GPA33: variants seen among roughly 807,000 people sequenced by gnomAD.
The protein encoded by GPA33 is cell surface A33 antigen.
Under a neutral mutation model 35.6 loss-of-function variants are expected in GPA33, and 27 were observed. That is an observed-to-expected ratio of 0.76 (90% CI 0.56 to 1.04). The LOEUF is 1.04. Ranked by LOEUF, GPA33 falls within the 50% of genes least tolerant of loss-of-function variation. The pLI, the probability that GPA33 is intolerant of heterozygous loss-of-function variation, is 0.00. For missense variants in GPA33, 428 were observed against 411.9 expected (o/e 1.04, Z -0.34); for synonymous variants, 176 against 164.0 (o/e 1.07, Z -0.56).
At chr1:167,074,716 A>T (rs1213668073) in intron 1 of GPA33, among the ~76,000 whole-genome samples, 2 of 151,744 alleles carry the variant, frequency 1.3e-5, no homozygotes, top group African/African-American at 4.9e-5. Context: ...ACGCACAAGG[A>T]ACAGCAAGGG....
chr1:167,058,350 G>C (rs1489732075), intron 4 of GPA33: 1 of 151,894 alleles, frequency 6.6e-6, no homozygotes, highest in Non-Finnish European at 1.5e-5. Flanking sequence ...AGATGAGGAG[G>C]GTCCCTGTCC....
chr1:167,064,908 G>C (rs948625324), intron 3 of GPA33, among the ~76,000 whole-genome samples: 1 of 152,148 alleles, frequency 6.6e-6, no homozygotes, highest in Non-Finnish European at 1.5e-5. Context: ...GAGGGGACTC[G>C]AGCAGGCAGA....
chr1:167,068,611 C>T (rs1329151063), intron 3 of GPA33, among the ~76,000 whole-genome samples: 3 of 152,154 alleles, frequency 2.0e-5, no homozygotes, highest in African/African-American at 7.2e-5. Context: ...TAAGATTTTC[C>T]TTTATCTTTG....
intron 1 of GPA33, among the ~76,000 whole-genome samples, chr1:167,089,323 G>C (rs1201319119): frequency 6.6e-6 from 1 of 152,122 alleles, no homozygotes; most frequent in East Asian, 1.9e-4. Context: ...ACTTCCCCAG[G>C]CTTGGTGCTC....
Position 167,074,227 on chromosome 1 carries a change from C to G in GPA33, c.44-688G>C, listed in dbSNP as rs10918614. ...AGGTGGGGTCTGTGTTCCTTCTCTT[C>G]GAGCCTGGGTGCACCTGTGACTCCA... On this transcript the variant is annotated intron_variant, in intron 1 of 6. Coordinates refer to ENST00000367868, the MANE Select transcript of GPA33 (RefSeq NM_005814.3). Among the ~76,000 whole-genome samples, 9 of 151,592 alleles carry G rather than the reference C, an allele frequency of 5.9e-5. No individual in the cohort carries two copies. The East Asian group carries it at 1.7e-3, about 29-fold the overall frequency.
chr1:167,058,732 GA>G (rs1666366097), intron 4 of GPA33, among the ~76,000 whole-genome samples: 2 of 149,710 alleles, frequency 1.3e-5, no homozygotes, highest in South Asian at 4.2e-4. Flanking sequence ...ATGCGGCATG[GA>G]GAAGGAGTCC....
At chr1:167,070,398 C>A (rs1471491172) in intron 2 of GPA33, among the ~76,000 whole-genome samples, 2 of 151,976 alleles carry the variant, frequency 1.3e-5, no homozygotes, top group African/African-American at 2.4e-5. Flanking sequence ...TCACAACACC[C>A]CTAAAGTAGG....
At position 167,090,307 on chromosome 1, in the gene GPA33, C is replaced by T. The variant is rs1000336251; in HGVS notation, c.-20G>A. 1 of 1,610,452 alleles carries T rather than the reference C, an allele frequency of 6.2e-7. No individual in the cohort carries two copies. Among genetic ancestry groups the T allele is most frequent in the Non-Finnish European group, 8.5e-7 (1 of 1,176,780 alleles). Reference sequence around the variant, plus strand: ...CACCATGGTCTTGCTTCTTCTCTGCCCTAAACCTAACCTGTCACTGGCAGC... The same window carrying T: ...CACCATGGTCTTGCTTCTTCTCTGCTCTAAACCTAACCTGTCACTGGCAGC... On this transcript the variant is annotated 5_prime_UTR_variant, in exon 1 of 7. Transcript: ENST00000367868.
At chr1:167,058,857 G>T (rs1558003116) in intron 4 of GPA33, among the ~76,000 whole-genome samples, 1 of 152,218 alleles carries the variant, frequency 6.6e-6, no homozygotes, top group East Asian at 1.9e-4. Context: ...ACAGCGGGGT[G>T]TGGTATTCAT....
intron 4 of GPA33, among the ~76,000 whole-genome samples, chr1:167,062,646 CTTTTTTTTTTTTT>C (rs768326263): frequency 1.3e-5 from 1 of 79,990 alleles, no homozygotes; most frequent in Non-Finnish European, 2.4e-5. Context: ...ATAGCTCTTT[CTTTTTTTTTTTTT>C]TTTTTTTTCA....
chr1:167,083,019 A>G (rs775840398), intron 1 of GPA33, among the ~76,000 whole-genome samples: 17 of 152,194 alleles, frequency 1.1e-4, no homozygotes, highest in Non-Finnish European at 1.6e-4. Flanking sequence ...GATGGAGGGC[A>G]AAACCTGAGT....
At chr1:167,085,352 A>G (rs575266682) in intron 1 of GPA33, among the ~76,000 whole-genome samples, 1 of 152,318 alleles carries the variant, frequency 6.6e-6, no homozygotes, top group African/African-American at 2.4e-5. Context: ...AATGCGGGAG[A>G]GATTAGCCAG....
At chr1:167,087,063 T>C (rs1297820137) in intron 1 of GPA33, among the ~76,000 whole-genome samples, 2 of 152,164 alleles carry the variant, frequency 1.3e-5, no homozygotes, top group African/African-American at 2.4e-5. Flanking sequence ...AAAAAAATCC[T>C]GGAATGGAAG....
chr1:167,055,863 A>G lies in GPA33; in HGVS notation c.572-14T>C, dbSNP rs201630422. ...GCTGACCTGAGGCTGCAGGGGAAGAAGAGTCAGGGTGAAGAGAGGCACTAC... is the reference window on the plus strand; with the variant it reads ...GCTGACCTGAGGCTGCAGGGGAAGAGGAGTCAGGGTGAAGAGAGGCACTAC... On this transcript the variant is annotated splice_polypyrimidine_tract_variant and intron_variant, in intron 4 of 6. Transcript: ENST00000367868. 3.6e-3 allele frequency: 5,784 copies of G among 1,613,772 alleles called. 19 individuals carry two copies. The highest frequency in any genetic ancestry group is 4.4e-3 in the Non-Finnish European group (5,196 of 1,179,794).
chr1:167,066,043 G>A (rs1194956508), intron 3 of GPA33, among the ~76,000 whole-genome samples: 1 of 152,162 alleles, frequency 6.6e-6, no homozygotes, highest in Admixed American at 6.5e-5. Flanking sequence ...TCAGAGGTAC[G>A]GGAGCATCCC....
intron 2 of GPA33, 38 bp from the exon 3 acceptor site, chr1:167,069,176 A>G (rs1571312101): frequency 2.7e-6 from 4 of 1,464,148 alleles, no homozygotes; most frequent in Non-Finnish European, 3.8e-6. Context: ...CTTCACCCAA[A>G]GGCCCTTGCC....
chr1:167,061,959 G>A lies in GPA33; in HGVS notation c.571+1623C>T, dbSNP rs191502275. ...GCACCCCCAATGTGTGCATCCGTCCGGCTGGGCTTATCCAGGACACCAGAT... is the reference window on the plus strand; with the variant it reads ...GCACCCCCAATGTGTGCATCCGTCCAGCTGGGCTTATCCAGGACACCAGAT... On this transcript the variant is annotated intron_variant, in intron 4 of 6. Coordinates refer to ENST00000367868, the MANE Select transcript of GPA33 (RefSeq NM_005814.3). 5.3e-5 allele frequency among the ~76,000 whole-genome samples: 8 copies of A among 151,988 alleles called. No individual in the cohort carries two copies. In the East Asian group the frequency reaches 5.8e-4, roughly 11 times the overall value.
At chr1:167,080,016 A>G (rs549566152) in intron 1 of GPA33, among the ~76,000 whole-genome samples, 1 of 152,290 alleles carries the variant, frequency 6.6e-6, no homozygotes, top group South Asian at 2.1e-4. Flanking sequence ...GCTCATTTTT[A>G]GAGTCTTCCA....
rs540007315 is a variant in GPA33 at position 167,078,673 on chromosome 1, T to C, written c.44-5134A>G. On this transcript the variant is annotated intron_variant, in intron 1 of 6. Transcript: ENST00000367868. ...TTTAATCCCGGAGCGTGTACCGCTC[T>C]GTATCGCACAACTTCTCCATGGCCA... 5.9e-5 allele frequency: 9 copies of C among 152,368 alleles called. No homozygotes were observed. The East Asian group carries it at 1.7e-3, about 29-fold the overall frequency. 9.4% of individuals were successfully genotyped at this position (152,368 alleles called of 1,614,324 possible).
Sources: allele counts gnomAD v4.1 joint callset (sites outside exome capture counted in the v4.1 genomes callset), GRCh38; gene constraint gnomAD v4.1.1; transcripts MANE v1.5; gene names NCBI Gene and HGNC (gene_info 2026-07-23, HGNC 2026-07-21).